KIF6: variants seen among roughly 807,000 people sequenced by gnomAD.
KIF6 encodes kinesin family member 6.
Under a neutral mutation model 112.7 loss-of-function variants are expected in KIF6, and 106 were observed. The observed-to-expected ratio is 0.94, with a 90% CI of 0.80 to 1.11. The LOEUF is 1.11. KIF6 is among the 50% of genes least tolerant of loss of function. KIF6 has a pLI of 0.00. For missense variants in KIF6, 929 were observed against 964.0 expected (o/e 0.96, Z 0.48); for synonymous variants, 339 against 339.9 (o/e 1.00, Z 0.03).
At chr6:39,340,519 T>C (rs770439020) in intron 22 of KIF6, among the ~76,000 whole-genome samples, 1 of 152,220 alleles carries the variant, frequency 6.6e-6, no homozygotes, top group Non-Finnish European at 1.5e-5. Context: ...CTTGGGCAAG[T>C]GATACAACCT....
intron 10 of KIF6, among the ~76,000 whole-genome samples, chr6:39,558,736 G>T (rs905448444): frequency 6.6e-6 from 1 of 152,120 alleles, no homozygotes; most frequent in African/African-American, 2.4e-5. Flanking sequence ...GAGCTGTCTA[G>T]GCCAAAAGAA....
intron 16 of KIF6, among the ~76,000 whole-genome samples, chr6:39,381,486 A>T (rs986645175): frequency 2.0e-5 from 3 of 152,138 alleles, no homozygotes; most frequent in East Asian, 3.9e-4. Context: ...AACATCAGGG[A>T]ATCCAAATAC....
intron 16 of KIF6, among the ~76,000 whole-genome samples, chr6:39,384,843 T>C (rs1208919911): frequency 1.3e-5 from 2 of 152,188 alleles, no homozygotes; most frequent in African/African-American, 4.8e-5. Context: ...ATGAGGAGGT[T>C]CTACCCAGGA....
At chr6:39,400,287 G>A (rs991504906) in intron 15 of KIF6, among the ~76,000 whole-genome samples, 1 of 152,190 alleles carries the variant, frequency 6.6e-6, no homozygotes, top group African/African-American at 2.4e-5. Context: ...CAAGAAAGCT[G>A]TGCAAACTGG....
intron 10 of KIF6, among the ~76,000 whole-genome samples, chr6:39,575,685 T>C (rs947433988): frequency 5.9e-5 from 9 of 152,254 alleles, no homozygotes; most frequent in Admixed American, 4.6e-4. Flanking sequence ...TCCCTGTCTC[T>C]CCATTCTTAA....
At chr6:39,573,417 T>C (rs148404507) in intron 10 of KIF6, among the ~76,000 whole-genome samples, 102 of 152,370 alleles carry the variant, frequency 6.7e-4, no homozygotes, top group Non-Finnish European at 1.2e-3. Context: ...TGTACTAATG[T>C]TCAATCTAGG....
intron 15 of KIF6, among the ~76,000 whole-genome samples, chr6:39,395,677 A>C (rs1259108898): frequency 6.6e-6 from 1 of 152,168 alleles, no homozygotes; most frequent in East Asian, 1.9e-4. Context: ...GAAGTAGCCC[A>C]GGGTACACTC....
rs59151863 is a variant in KIF6 at position 39,360,258 on chromosome 6, G to A, written c.2082+137C>T. 2,299 of 909,040 alleles carry A rather than the reference G, an allele frequency of 2.5e-3. 42 individuals carry two copies. The African/African-American group carries it at 0.035, about 14-fold the overall frequency. The allele number at this position is 909,040 out of a possible 1,614,324, so 56.3% of individuals were successfully genotyped here. On this transcript the variant is annotated intron_variant, in intron 18 of 22. Coordinates refer to ENST00000287152, the MANE Select transcript of KIF6 (RefSeq NM_145027.6). Reference sequence around the variant, plus strand: ...CCCTTTTGTCATCCTTGTTACTACAGTGAGCACCTGCTTCATGAGCAGGGG... The same window carrying A: ...CCCTTTTGTCATCCTTGTTACTACAATGAGCACCTGCTTCATGAGCAGGGG...
intron 3 of KIF6, among the ~76,000 whole-genome samples, chr6:39,645,404 T>C (rs1157153632): frequency 6.6e-6 from 1 of 152,100 alleles, no homozygotes; most frequent in Non-Finnish European, 1.5e-5. Flanking sequence ...AAGTAGAAGA[T>C]TGTCTGGAGG....
At chr6:39,356,380 C>T (rs1262019775) in intron 19 of KIF6, among the ~76,000 whole-genome samples, 1 of 152,128 alleles carries the variant, frequency 6.6e-6, no homozygotes, top group African/African-American at 2.4e-5. Context: ...ATTCTCCTGC[C>T]TCAGCCCCCC....
At chr6:39,601,542 G>T (rs1782569744) in intron 6 of KIF6, among the ~76,000 whole-genome samples, 1 of 151,384 alleles carries the variant, frequency 6.6e-6, no homozygotes, top group African/African-American at 2.4e-5. Flanking sequence ...CACTTGAATT[G>T]AATATATTAT....
Position 39,346,049 on chromosome 6 carries a change from G to GCTCGCTCT in KIF6, c.2232-261_2232-260insAGAGCGAG, listed in dbSNP as rs1554196850. ...TAAGAGGAGGATGAGAAACTACAGT[G>GCTCGCTCT]CTCTCTCTCTCTCTCTCTCTCTCTC... On this transcript the variant is annotated intron_variant, in intron 20 of 22. Coordinates refer to ENST00000287152, the MANE Select transcript of KIF6 (RefSeq NM_145027.6). Among the ~76,000 whole-genome samples, 25 of 28,992 alleles carry GCTCGCTCT rather than the reference G, an allele frequency of 8.6e-4. 2 individuals carry two copies. The highest frequency in any genetic ancestry group is 3.2e-3 in the African/African-American group (25 of 7,836). The allele number at this position is 28,992 out of a possible 152,430, so 19.0% of individuals were successfully genotyped here. A position where few individuals can be genotyped will look rare whatever the true frequency, so the allele number is the denominator to read the frequency against.
In KIF6 at chr6:39,639,695, A is replaced by C. The variant is rs1582337298; in HGVS notation, c.314T>G (p.Phe105Cys). The change falls in exon 4 of 23, where the codon TTC becomes TGC. Residue 105 changes from phenylalanine (F) to cysteine (C), a missense_variant. This residue lies in a region of KIF6 where 688 missense variants were observed against 662.7 expected (regional missense o/e 1.04). Coordinates refer to ENST00000287152, the MANE Select transcript of KIF6 (RefSeq NM_145027.6). ...ACGCTCTGCACCCCCTGTGATAGTG[A>C]ATGTCTTCCCGCTGCCTGTTTGCCC... The part of the protein sequence containing the change: ...AYGQTGSGKT[F>C]TITGGAERYS... 1.2e-6 allele frequency: 2 copies of C among 1,612,432 alleles called. No individual in the cohort carries two copies. The highest frequency in any genetic ancestry group is 1.7e-6 in the Non-Finnish European group (2 of 1,179,032).
At chr6:39,508,239 C>A (rs543570303) in intron 13 of KIF6, among the ~76,000 whole-genome samples, 36 of 151,844 alleles carry the variant, frequency 2.4e-4, no homozygotes, top group Non-Finnish European at 4.3e-4. Flanking sequence ...TAATCAGGGT[C>A]GCTTCCAAGA....
In KIF6 at chr6:39,334,783, T is replaced by A. The variant is rs970453953; in HGVS notation, c.*1749A>T. The A allele has an allele frequency of 2.9e-5, 4 of 139,996 alleles. No homozygotes were observed. The highest frequency in any genetic ancestry group is 1.4e-4 in the Admixed American group (2 of 14,276). 8.7% of individuals were successfully genotyped at this position (139,996 alleles called of 1,614,324 possible). On this transcript the variant is annotated 3_prime_UTR_variant, in exon 23 of 23. Coordinates refer to ENST00000287152, the MANE Select transcript of KIF6 (RefSeq NM_145027.6). ...GGGCTCTTGAGAGTGTGTGTGTGTA[T>A]GTGTGTGTGTGTGTGCAGTTACATG... is the stretch of plus-strand genomic sequence containing the variant.
Position 39,346,087 on chromosome 6 carries a change from C to CTCTCTCTCTCTCTCTCTCTCTCTCT in KIF6, c.2232-299_2232-298insAGAGAGAGAGAGAGAGAGAGAGAGA, listed in dbSNP as rs1562112885. 7.1e-4 allele frequency among the ~76,000 whole-genome samples: 2 copies of CTCTCTCTCTCTCTCTCTCTCTCTCT among 2,824 alleles called. 1 individual carries two copies. Among genetic ancestry groups the CTCTCTCTCTCTCTCTCTCTCTCTCT allele is most frequent in the African/African-American group, 2.2e-3 (2 of 912 alleles). The allele number at this position is 2,824 out of a possible 152,430, so 1.9% of individuals were successfully genotyped here. A position where few individuals can be genotyped will look rare whatever the true frequency, so the allele number is the denominator to read the frequency against. On this transcript the variant is annotated intron_variant, in intron 20 of 22. Coordinates refer to ENST00000287152, the MANE Select transcript of KIF6 (RefSeq NM_145027.6). ...CTCTCTCTCTCTCTCTCTCTCTCTC[C>CTCTCTCTCTCTCTCTCTCTCTCTCT]CCCCCCTCTCCCTCCCCCCCTCCCT...
intron 13 of KIF6, among the ~76,000 whole-genome samples, chr6:39,506,601 C>T (rs899385462): frequency 6.6e-6 from 1 of 152,090 alleles, no homozygotes; most frequent in Non-Finnish European, 1.5e-5. Flanking sequence ...CTCGGAATTT[C>T]CTGAGTGATA....
At chr6:39,374,326 T>C (rs1450858450) in intron 16 of KIF6, among the ~76,000 whole-genome samples, 1 of 152,186 alleles carries the variant, frequency 6.6e-6, no homozygotes, top group East Asian at 1.9e-4. Flanking sequence ...GGCAATGATT[T>C]TCTGGCTGTG....
intron 3 of KIF6, among the ~76,000 whole-genome samples, chr6:39,641,776 G>T (rs1784914851): frequency 6.6e-6 from 1 of 152,016 alleles, no homozygotes; most frequent in Non-Finnish European, 1.5e-5. Context: ...GTTGGCATCT[G>T]CTAAGTGTTA....
Sources: gnomAD v4.1 joint callset for allele counts (sites outside exome capture counted in the v4.1 genomes callset) on GRCh38, gnomAD v4.1.1 for gene constraint, gnomAD v4.1.1 regional missense constraint, MANE v1.5 for transcripts, NCBI Gene and HGNC (gene_info 2026-07-23, HGNC 2026-07-21) for gene names.